PPP4R4: variants seen among roughly 807,000 people sequenced by gnomAD.
PPP4R4 encodes protein phosphatase 4 regulatory subunit 4, also known as serine/threonine-protein phosphatase 4 regulatory subunit 4.
In PPP4R4, 70 loss-of-function variants were observed where a neutral mutation model predicts 121.8. The ratio of observed to expected loss-of-function variants is 0.57; its 90% CI spans 0.47 to 0.70. The LOEUF (loss-of-function observed/expected upper bound fraction) is 0.70, where lower values mean the gene tolerates loss of function less well. PPP4R4 is among the 30% of genes least tolerant of loss of function. The pLI, the probability that PPP4R4 is intolerant of heterozygous loss-of-function variation, is 0.00. For missense variants in PPP4R4, 875 were observed against 1,033.6 expected (o/e 0.85, Z 2.10); for synonymous variants, 348 against 355.7 (o/e 0.98, Z 0.24).
rs1894808388 is a variant in PPP4R4 at position 94,279,284 on chromosome 14, A to C, written c.*641A>C. 6.6e-6 allele frequency: 1 copy of C among 152,614 alleles called. No individual in the cohort carries two copies. Among genetic ancestry groups the C allele is most frequent in the South Asian group, 2.1e-4 (1 of 4,832 alleles). The allele number at this position is 152,614 out of a possible 1,614,324, so 9.5% of individuals were successfully genotyped here. ...AACTTTGAGCTATAAATACCTTAAA[A>C]ATAATAGATTGATGATTTTCTTTAT... On this transcript the variant is annotated 3_prime_UTR_variant, in exon 25 of 25. Transcript: ENST00000304338.
intron 2 of PPP4R4, among the ~76,000 whole-genome samples, chr14:94,204,988 G>T (rs1426451698): frequency 1.8e-4 from 27 of 152,218 alleles, no homozygotes; most frequent in Non-Finnish European, 4.4e-5. Flanking sequence ...TTTGATCATG[G>T]TATATAATTC....
chr14:94,250,947 G>A (rs2139598282), intron 15 of PPP4R4, among the ~76,000 whole-genome samples: 1 of 152,006 alleles, frequency 6.6e-6, no homozygotes, highest in South Asian at 2.1e-4. Flanking sequence ...AGTTATTGGA[G>A]TTTACCAGTT....
At chr14:94,253,580 ATGTAT>A (rs1270708887) in intron 16 of PPP4R4, among the ~76,000 whole-genome samples, 9 of 152,222 alleles carry the variant, frequency 5.9e-5, no homozygotes, top group African/African-American at 2.2e-4. Flanking sequence ...TTTCAATGTG[ATGTAT>A]TGTCACTTAT....
chr14:94,180,776 A>C (rs1888936182), intron 2 of PPP4R4, among the ~76,000 whole-genome samples: 1 of 151,680 alleles, frequency 6.6e-6, no homozygotes, highest in South Asian at 2.1e-4. Context: ...CCACCTCCAC[A>C]GCCACTGCCC....
chr14:94,198,824 A>G (rs912532690), intron 2 of PPP4R4, among the ~76,000 whole-genome samples: 9 of 152,116 alleles, frequency 5.9e-5, no homozygotes, highest in African/African-American at 2.2e-4. Context: ...TAAAAACTCA[A>G]TTGCGCATTT....
At chr14:94,187,407 C>A (rs1055499701) in intron 2 of PPP4R4, among the ~76,000 whole-genome samples, 5 of 152,090 alleles carry the variant, frequency 3.3e-5, no homozygotes, top group Non-Finnish European at 7.4e-5. Context: ...ATATCTTTTT[C>A]TGTCCTTTTA....
At chr14:94,273,643 A>G (rs1325981624) in intron 23 of PPP4R4, among the ~76,000 whole-genome samples, 3 of 152,144 alleles carry the variant, frequency 2.0e-5, no homozygotes, top group Non-Finnish European at 4.4e-5. Context: ...ATGTGGGTTC[A>G]TCAATGCAAC....
chr14:94,277,367 G>A (rs1480692560), intron 24 of PPP4R4, among the ~76,000 whole-genome samples: 1 of 152,104 alleles, frequency 6.6e-6, no homozygotes, highest in Non-Finnish European at 1.5e-5. Context: ...TGTGTGCCTC[G>A]TTCCCAGCAG....
chr14:94,237,421 G>T, intron 7 of PPP4R4, 144 bp from the exon 8 acceptor site: 1 of 668,168 alleles, frequency 1.5e-6, no homozygotes. Flanking sequence ...TTCCCAATAA[G>T]ACTGAAAGCT....
intron 19 of PPP4R4, among the ~76,000 whole-genome samples, chr14:94,260,542 TATCTCATTTTTTTTTTA>T (rs1292571253): frequency 6.6e-6 from 1 of 152,046 alleles, no homozygotes; most frequent in Non-Finnish European, 1.5e-5. Flanking sequence ...TATGTAATGG[TATCTCATTTTTTTTTTA>T]ATCTCTTTTT....
chr14:94,199,702 C>T (rs8013431), intron 2 of PPP4R4, among the ~76,000 whole-genome samples: 19,315 of 152,128 alleles, frequency 0.13, 1,363 homozygotes, highest in Admixed American at 0.21. Context: ...TAGCAGCCCG[C>T]GCTCTCCTCT....
intron 3 of PPP4R4, among the ~76,000 whole-genome samples, chr14:94,230,130 A>G (rs947922751): frequency 2.6e-5 from 4 of 152,196 alleles, no homozygotes; most frequent in African/African-American, 9.6e-5. Flanking sequence ...GCATACTCTT[A>G]AGTGTATTCT....
At chr14:94,252,714 A>G (rs1483392202) in intron 16 of PPP4R4, among the ~76,000 whole-genome samples, 1 of 152,234 alleles carries the variant, frequency 6.6e-6, no homozygotes, top group African/African-American at 2.4e-5. Flanking sequence ...GATCTGCAGG[A>G]AAGAGAGACA....
At chr14:94,188,147 C>T (rs983313098) in intron 2 of PPP4R4, among the ~76,000 whole-genome samples, 13 of 151,890 alleles carry the variant, frequency 8.6e-5, no homozygotes, top group South Asian at 2.1e-4. Flanking sequence ...TTATCATGAA[C>T]GGGTATTGAA....
intron 1 of PPP4R4, chr14:94,175,788 G>A: frequency 4.2e-6 from 2 of 474,768 alleles, no homozygotes; most frequent in Non-Finnish European, 3.8e-6. Context: ...CTGAAGCCAC[G>A]ATGTGATTTT....
chr14:94,187,017 G>C (rs1378285191), intron 2 of PPP4R4, among the ~76,000 whole-genome samples: 1 of 151,982 alleles, frequency 6.6e-6, no homozygotes, highest in African/African-American at 2.4e-5. Flanking sequence ...TTTATTCTTT[G>C]AAATATACTT....
At chr14:94,278,528 A>G (rs1020909391) in intron 24 of PPP4R4, 91 bp from the exon 25 acceptor site, 1 of 722,618 alleles carries the variant, frequency 1.4e-6, no homozygotes. Flanking sequence ...CATTATATGA[A>G]TAACATTTTT....
chr14:94,265,419 C>T lies in PPP4R4; in HGVS notation c.2230C>T (p.Pro744Ser). The T allele has an allele frequency of 6.2e-7, 1 of 1,613,140 alleles. No homozygotes were observed. The highest frequency in any genetic ancestry group is 8.5e-7 in the Non-Finnish European group (1 of 1,179,112). The stretch of plus-strand genomic sequence containing the variant: ...CACTAAGACACCAACGCAAAGTCTG[C>T]CCAAGAACATCCCCATTTCTGTTCC... ...RDTKTPTQSL[P>S]KNIPISVPGP... The change falls in exon 21 of 25, where the codon CCC (proline) becomes TCC (serine). Residue 744 changes from proline (P) to serine (S), a missense_variant. By Grantham distance (74) the Pro-to-Ser change is moderately conservative (BLOSUM62 -1). Coordinates refer to ENST00000304338, the MANE Select transcript of PPP4R4 (RefSeq NM_058237.2).
At chr14:94,241,416 G>A (rs1892628287) in intron 9 of PPP4R4, among the ~76,000 whole-genome samples, 1 of 151,950 alleles carries the variant, frequency 6.6e-6, no homozygotes, top group Non-Finnish European at 1.5e-5. Flanking sequence ...ACATGCATGT[G>A]TCTTTTCTGT....
Sources: gnomAD v4.1 joint callset for allele counts (sites outside exome capture counted in the v4.1 genomes callset) on GRCh38, gnomAD v4.1.1 for gene constraint, MANE v1.5 for transcripts, NCBI Gene and HGNC (gene_info 2026-07-23, HGNC 2026-07-21) for gene names.